Variants in CACNB4 observed in about 807,000 individuals in gnomAD.
CACNB4 encodes the protein calcium voltage-gated channel auxiliary subunit beta 4.
In CACNB4, 32 loss-of-function variants were observed where a neutral mutation model predicts 71.2. That is an observed-to-expected ratio of 0.45 (90% CI 0.34 to 0.60). The LOEUF (loss-of-function observed/expected upper bound fraction) is 0.60. Among genes scored for constraint, CACNB4 ranks in the 20% least tolerant of loss-of-function variants. CACNB4 has a pLI of 0.01. For synonymous variants in CACNB4, 231 were observed against 236.9 expected (o/e 0.97, Z 0.23); for missense variants, 464 against 647.9 (o/e 0.72, Z 3.08).
chr2:151,884,680 T>C (rs1366839593), intron 2 of CACNB4, among the ~76,000 whole-genome samples: 9 of 149,778 alleles, frequency 6.0e-5, no homozygotes, highest in Non-Finnish European at 1.0e-4. Flanking sequence ...CCAGTCTGAC[T>C]GATGTGGCGA....
At chr2:152,071,964 A>G (rs1163935998) in intron 2 of CACNB4, among the ~76,000 whole-genome samples, 1 of 152,230 alleles carries the variant, frequency 6.6e-6, no homozygotes, top group Non-Finnish European at 1.5e-5. Flanking sequence ...CCATTCATTC[A>G]TTTATTCCAT....
intron 2 of CACNB4, among the ~76,000 whole-genome samples, chr2:151,988,957 C>T (rs984911013): frequency 1.3e-5 from 2 of 152,198 alleles, no homozygotes; most frequent in Non-Finnish European, 2.9e-5. Context: ...CCTCAAGACT[C>T]TTACCTCATC....
chr2:152,026,223 C>T (rs1458183291), intron 2 of CACNB4, among the ~76,000 whole-genome samples: 1 of 152,188 alleles, frequency 6.6e-6, no homozygotes, highest in Admixed American at 6.5e-5. Flanking sequence ...CACTCGAGCA[C>T]TGGATCTTAC....
At chr2:152,005,054 T>C (rs143046280) in intron 2 of CACNB4, among the ~76,000 whole-genome samples, 155 of 152,250 alleles carry the variant, frequency 1.0e-3, no homozygotes, top group African/African-American at 3.3e-3. Flanking sequence ...AAAAAAGAAA[T>C]GCTTATAAAC....
intron 12 of CACNB4, among the ~76,000 whole-genome samples, chr2:151,846,359 C>T (rs2099837562): frequency 1.3e-5 from 2 of 152,060 alleles, no homozygotes; most frequent in African/African-American, 2.4e-5. Context: ...TATAAAGACA[C>T]TGGGTAAGTC....
intron 2 of CACNB4, among the ~76,000 whole-genome samples, chr2:152,009,267 G>C (rs1682918704): frequency 6.6e-6 from 1 of 151,970 alleles, no homozygotes; most frequent in Admixed American, 6.6e-5. Context: ...TTGAAAAATA[G>C]GGCACAGAAA....
intron 2 of CACNB4, among the ~76,000 whole-genome samples, chr2:151,977,163 C>T (rs1480830910): frequency 6.6e-6 from 1 of 152,220 alleles, no homozygotes; most frequent in Non-Finnish European, 1.5e-5. Context: ...AACTGCATAG[C>T]CTCAAGGAGG....
At chr2:151,960,727 T>C (rs1307106684) in intron 2 of CACNB4, among the ~76,000 whole-genome samples, 1 of 152,202 alleles carries the variant, frequency 6.6e-6, no homozygotes, top group African/African-American at 2.4e-5. Flanking sequence ...AGTGAGGGCA[T>C]GAATCTACTC....
chr2:152,001,526 T>TAAAAAAAAAAAAA (rs70974816), intron 2 of CACNB4, among the ~76,000 whole-genome samples: 1 of 35,468 alleles, frequency 2.8e-5, no homozygotes, highest in Non-Finnish European at 5.0e-5. Context: ...CCATCTCTAC[T>TAAAAAAAAAAAAA]AAAAAAAAAA....
intron 12 of CACNB4, among the ~76,000 whole-genome samples, chr2:151,843,179 G>A (rs1306476674): frequency 6.6e-6 from 1 of 152,342 alleles, no homozygotes; most frequent in East Asian, 1.9e-4. Context: ...TGGCCCCCCT[G>A]TCATTGCAGT....
At chr2:151,937,055 A>G (rs929668347) in intron 2 of CACNB4, among the ~76,000 whole-genome samples, 1 of 152,236 alleles carries the variant, frequency 6.6e-6, no homozygotes, top group African/African-American at 2.4e-5. Flanking sequence ...GGAGACATTC[A>G]GTAGTCATGG....
At chr2:152,086,166 C>CA (rs1560190511) in intron 2 of CACNB4, among the ~76,000 whole-genome samples, 1 of 152,160 alleles carries the variant, frequency 6.6e-6, no homozygotes, top group African/African-American at 2.4e-5. Context: ...ATCGATTTGA[C>CA]AGAGTTTTTA....
At chr2:151,972,850 C>T (rs1560098057) in intron 2 of CACNB4, 1 of 152,232 alleles carries the variant, frequency 6.6e-6, no homozygotes, top group Non-Finnish European at 1.5e-5. Flanking sequence ...ATTAACCACC[C>T]CCAGCCATTC....
intron 6 of CACNB4, 87 bp downstream of exon 6, chr2:151,872,330 C>G: frequency 4.0e-6 from 3 of 746,596 alleles, no homozygotes; most frequent in Non-Finnish European, 7.0e-6. Flanking sequence ...CAAATTGTTT[C>G]CAAATTAGCA....
chr2:152,043,674 G>A (rs191301496), intron 2 of CACNB4, among the ~76,000 whole-genome samples: 3 of 146,918 alleles, frequency 2.0e-5, no homozygotes, highest in Admixed American at 2.0e-4. Context: ...GTGTATACAC[G>A]TATACATACA....
intron 2 of CACNB4, among the ~76,000 whole-genome samples, chr2:152,065,211 T>C (rs1292837241): frequency 1.3e-5 from 2 of 152,102 alleles, no homozygotes; most frequent in African/African-American, 4.8e-5. Flanking sequence ...GGTGAAACCC[T>C]GTCTCTACTA....
Position 152,070,090 on chromosome 2 carries a change from G to A in CACNB4, c.147+28240C>T, listed in dbSNP as rs542702772. ...GATCTCCTGACCTCGTGATCCGCCCGTCTTGGCCTCCCAAAGTGCTGGGAT... is the reference window on the plus strand; with the variant it reads ...GATCTCCTGACCTCGTGATCCGCCCATCTTGGCCTCCCAAAGTGCTGGGAT... On this transcript the variant is annotated intron_variant, in intron 2 of 13. Coordinates refer to ENST00000539935, the MANE Select transcript of CACNB4 (RefSeq NM_000726.5). Among the ~76,000 whole-genome samples, 77 of 152,152 alleles carry A rather than the reference G, an allele frequency of 5.1e-4. 1 individual carries two copies. Among genetic ancestry groups the A allele is most frequent in the Admixed American group, 2.7e-3 (41 of 15,284 alleles).
chr2:151,842,570 G>C (rs536641737), intron 12 of CACNB4, among the ~76,000 whole-genome samples: 9 of 152,074 alleles, frequency 5.9e-5, no homozygotes, highest in African/African-American at 1.9e-4. Flanking sequence ...TCTTGACCTA[G>C]TGATCCACCT....
At chr2:152,061,976 T>C (rs1046346419) in intron 2 of CACNB4, among the ~76,000 whole-genome samples, 2 of 150,628 alleles carry the variant, frequency 1.3e-5, no homozygotes, top group Admixed American at 1.3e-4. Context: ...CGCGCCACTG[T>C]ACTCCAGCCT....
Sources: allele counts gnomAD v4.1 joint callset (sites outside exome capture counted in the v4.1 genomes callset), GRCh38; gene constraint gnomAD v4.1.1; transcripts MANE v1.5; gene names NCBI Gene and HGNC (gene_info 2026-07-23, HGNC 2026-07-21).